The following CLHC1 variants were observed in gnomAD, a reference collection of about 807,000 sequenced individuals.
CLHC1 encodes the protein clathrin heavy chain linker domain containing 1.
In CLHC1, 72 loss-of-function variants were observed where a neutral mutation model predicts 69.5. That is an observed-to-expected ratio of 1.04 (90% CI 0.86 to 1.26). The LOEUF is 1.26. Among genes scored for constraint, CLHC1 ranks in the 50% most tolerant of loss-of-function variants. The probability of loss-of-function intolerance (pLI) is 0.00; values close to 1 mark genes in which losing one functional copy is unlikely to be tolerated. For missense variants in CLHC1, 790 were observed against 679.3 expected, an observed-to-expected ratio of 1.16 and a Z score of -1.81; for synonymous variants, 223 against 224.3, an observed-to-expected ratio of 0.99 and a Z score of 0.05.
intron 1 of CLHC1, among the ~76,000 whole-genome samples, chr2:55,229,187 T>C (rs1006336364): frequency 2.7e-5 from 4 of 148,038 alleles, no homozygotes; most frequent in Non-Finnish European, 6.0e-5. Context: ...AAAAATTATA[T>C]ATATATAGAA....
At chr2:55,228,716 T>C (rs1674953625) in intron 1 of CLHC1, among the ~76,000 whole-genome samples, 1 of 152,216 alleles carries the variant, frequency 6.6e-6, no homozygotes, top group South Asian at 2.1e-4. Flanking sequence ...GCTTAAGTTG[T>C]GCTACATTTA....
intron 9 of CLHC1, among the ~76,000 whole-genome samples, chr2:55,186,170 C>A (rs1213539128): frequency 1.3e-5 from 2 of 152,112 alleles, no homozygotes; most frequent in African/African-American, 4.8e-5. Flanking sequence ...GTATGTGATT[C>A]AGGAAGTCAA....
chr2:55,212,192 G>C (rs576606401), intron 5 of CLHC1, among the ~76,000 whole-genome samples: 1 of 152,154 alleles, frequency 6.6e-6, no homozygotes, highest in African/African-American at 2.4e-5. Flanking sequence ...CACGAGAATC[G>C]CTTAAACCCT....
chr2:55,222,426 A>G lies in CLHC1; in HGVS notation c.-15T>C. 3.7e-6 allele frequency: 6 copies of G among 1,606,960 alleles called. No individual in the cohort carries two copies. Among genetic ancestry groups the G allele is most frequent in the Non-Finnish European group, 5.1e-6 (6 of 1,176,196 alleles). On this transcript the variant is annotated 5_prime_UTR_variant, in exon 3 of 13. Coordinates refer to ENST00000401408, the MANE Select transcript of CLHC1 (RefSeq NM_152385.4). ...TGAACTGACATATTTGACAATCTGC[A>G]CACTTGTTCACTGAAGAACAGCTAA...
At chr2:55,217,500 G>C (rs1673638280) in intron 4 of CLHC1, among the ~76,000 whole-genome samples, 1 of 98,022 alleles carries the variant, frequency 1.0e-5, no homozygotes, top group Admixed American at 1.4e-4. Flanking sequence ...TCCAGCCTGG[G>C]CAACAAGAGT....
At chr2:55,217,733 C>T (rs1314836550) in intron 4 of CLHC1, 78 bp downstream of exon 4, 1 of 852,208 alleles carries the variant, frequency 1.2e-6, no homozygotes, top group African/African-American at 1.8e-5. Context: ...CTAAGAACCA[C>T]CAGCTAGAGT....
chr2:55,199,587 C>A (rs543220179), intron 9 of CLHC1, among the ~76,000 whole-genome samples: 158 of 152,002 alleles, frequency 1.0e-3, no homozygotes, highest in African/African-American at 3.7e-3. Flanking sequence ...AGCTAGGGGA[C>A]AAAGTTAAAG....
intron 9 of CLHC1, among the ~76,000 whole-genome samples, chr2:55,195,842 A>C (rs925238131): frequency 2.6e-5 from 4 of 152,096 alleles, no homozygotes; most frequent in African/African-American, 9.7e-5. Flanking sequence ...AACAAAAAAA[A>C]CTACCTACAC....
At chr2:55,176,926 G>A (rs570951950) in intron 12 of CLHC1, among the ~76,000 whole-genome samples, 2 of 152,290 alleles carry the variant, frequency 1.3e-5, no homozygotes, top group Non-Finnish European at 2.9e-5. Flanking sequence ...AGGCTGGAGT[G>A]CAGTGGCACA....
chr2:55,211,502 C>CAA lies in CLHC1; in HGVS notation c.499+1169_499+1170dup, dbSNP rs35216255. On this transcript the variant is annotated intron_variant, in intron 5 of 12. Transcript: ENST00000401408. ...GGGTGACAGAGCGAGACTATGTCTC[C>CAA]AAAAAAAAAAAAAAAAAAAAGAAAG... Among the ~76,000 whole-genome samples, 346 of 82,286 alleles carry CAA rather than the reference C, an allele frequency of 4.2e-3. 3 individuals are homozygous for CAA. The highest frequency in any genetic ancestry group is 6.3e-3 in the Middle Eastern group (1 of 158). 54.0% of individuals were successfully genotyped at this position (82,286 alleles called of 152,430 possible). A position where few individuals can be genotyped will look rare whatever the true frequency, so the allele number is the denominator to read the frequency against.
chr2:55,232,248 C>T lies in CLHC1; in HGVS notation c.-281G>A, dbSNP rs895965946. The T allele has an allele frequency of 5.5e-6, 1 of 182,952 alleles. No homozygotes were observed. The highest frequency in any genetic ancestry group is 2.4e-5 in the African/African-American group (1 of 42,272). 11.3% of individuals were successfully genotyped at this position (182,952 alleles called of 1,614,324 possible). ...CTCCAGTCCTCACCTGAGTCCTTTT[C>T]TCCAAACACCGACTTCAGTGCTTAG... is the stretch of plus-strand genomic sequence containing the variant. On this transcript the variant is annotated 5_prime_UTR_variant, in exon 1 of 13. Coordinates refer to ENST00000401408, the MANE Select transcript of CLHC1 (RefSeq NM_152385.4).
At chr2:55,194,133 A>G (rs558105752) in intron 9 of CLHC1, among the ~76,000 whole-genome samples, 3 of 152,174 alleles carry the variant, frequency 2.0e-5, no homozygotes, top group South Asian at 4.1e-4. Context: ...AGGCCAGGGA[A>G]TGAGGAGTTA....
chr2:55,209,279 C>T, intron 7 of CLHC1, 125 bp downstream of exon 7: 4 of 630,480 alleles, frequency 6.3e-6, no homozygotes, highest in Non-Finnish European at 1.1e-5. Flanking sequence ...CATAGCGTAA[C>T]AGACAACCAG....
intron 9 of CLHC1, among the ~76,000 whole-genome samples, chr2:55,191,568 G>C (rs185964178): frequency 1.2e-4 from 19 of 152,132 alleles, no homozygotes; most frequent in African/African-American, 3.6e-4. Context: ...ATGAAGAATA[G>C]ATACGGTATA....
At chr2:55,229,434 G>A (rs1006116575) in intron 1 of CLHC1, among the ~76,000 whole-genome samples, 1 of 152,064 alleles carries the variant, frequency 6.6e-6, no homozygotes, top group Non-Finnish European at 1.5e-5. Context: ...CCTCAGGGTG[G>A]GACAACACAT....
chr2:55,217,555 A>AAAT (rs1673685956), intron 4 of CLHC1, among the ~76,000 whole-genome samples: 1 of 33,528 alleles, frequency 3.0e-5, no homozygotes, highest in African/African-American at 1.4e-4. Context: ...AAAAAAAAAT[A>AAAT]TATATATATA....
chr2:55,209,382 T>C (rs1300302264), intron 7 of CLHC1, 22 bp downstream of exon 7: 1 of 1,456,356 alleles, frequency 6.9e-7, no homozygotes, highest in East Asian at 2.3e-5. Context: ...TTGGTACTAA[T>C]TTAAAAATAT....
At chr2:55,229,293 A>G (rs1025772664) in intron 1 of CLHC1, among the ~76,000 whole-genome samples, 4 of 152,118 alleles carry the variant, frequency 2.6e-5, no homozygotes, top group African/African-American at 9.7e-5. Flanking sequence ...ACCATTTTCT[A>G]TAAGGGCAGT....
chr2:55,181,017 G>A (rs1669884843), intron 10 of CLHC1, among the ~76,000 whole-genome samples: 1 of 152,114 alleles, frequency 6.6e-6, no homozygotes. Context: ...GTCTCGCTCT[G>A]TCACCCAGGC....
Sources: allele counts gnomAD v4.1 joint callset (sites outside exome capture counted in the v4.1 genomes callset), GRCh38; gene constraint gnomAD v4.1.1; transcripts MANE v1.5; gene names NCBI Gene and HGNC (gene_info 2026-07-23, HGNC 2026-07-21).